DIP2A: variants seen among roughly 807,000 people sequenced by gnomAD.
DIP2A encodes disco-interacting protein 2 homolog A.
A neutral mutation model predicts 177.4 loss-of-function variants in DIP2A; 85 were observed. That is an observed-to-expected ratio of 0.48 (90% CI 0.40 to 0.57). The LOEUF is 0.57. DIP2A is among the 20% of genes least tolerant of loss of function. The pLI is 0.00. For missense variants in DIP2A, 1,791 were observed against 2,100.2 expected (o/e 0.85, Z 2.88); for synonymous variants, 886 against 881.8 (o/e 1.00, Z -0.08).
chr21:46,545,054 G>A (rs1437204698), intron 18 of DIP2A, 83 bp from the exon 19 acceptor site: 3 of 1,383,826 alleles, frequency 2.2e-6, no homozygotes, highest in African/African-American at 1.4e-5. Context: ...TTCCATAACC[G>A]CACATACAGC....
rs1337449585 is a variant in DIP2A, at chr21:46,533,505, G to T, written c.1306-19G>T. ...TGCTGTGAGCACCCCACCCCACACG[G>T]TCACTCTGCTTTCTGCAGGATGCAG... On this transcript the variant is annotated intron_variant, in intron 10 of 37. Coordinates refer to ENST00000417564, the MANE Select transcript of DIP2A (RefSeq NM_015151.4). The T allele has an allele frequency of 1.2e-6, 2 of 1,610,342 alleles. No individual in the cohort carries two copies. Among genetic ancestry groups the T allele is most frequent in the Middle Eastern group, 1.7e-4 (1 of 5,808 alleles).
chr21:46,536,334 G>T (rs2059568377), intron 13 of DIP2A, among the ~76,000 whole-genome samples: 1 of 152,350 alleles, frequency 6.6e-6, no homozygotes, highest in African/African-American at 2.4e-5. Context: ...TGAGCAGAGA[G>T]CTGTGCTGGG....
chr21:46,535,065 C>A (rs2059508294), intron 13 of DIP2A, among the ~76,000 whole-genome samples: 1 of 152,174 alleles, frequency 6.6e-6, no homozygotes, highest in Non-Finnish European at 1.5e-5. Context: ...TACTGAGGGT[C>A]AGGGCATTTT....
the DIP2A span, among the ~76,000 whole-genome samples, chr21:46,580,272 G>T: frequency 1.3e-5 from 2 of 151,996 alleles, no homozygotes; most frequent in African/African-American, 4.8e-5. Context: ...TGCAACCCTT[G>T]TTTTTTTCTG....
At chr21:46,478,748 GT>G (rs556732552) in intron 1 of DIP2A, among the ~76,000 whole-genome samples, 110 of 146,172 alleles carry the variant, frequency 7.5e-4, no homozygotes, top group East Asian at 4.2e-3. Context: ...TAGAATTTAT[GT>G]TTTTTTTTTT....
chr21:46,511,727 G>A, intron 8 of DIP2A, 113 bp downstream of exon 8: 1 of 1,171,614 alleles, frequency 8.5e-7, no homozygotes, highest in Non-Finnish European at 1.2e-6. Context: ...AGCACAGCTG[G>A]CAGATAAATA....
intron 21 of DIP2A, among the ~76,000 whole-genome samples, chr21:46,549,493 A>C (rs1268180570): frequency 6.6e-6 from 1 of 152,234 alleles, no homozygotes; most frequent in Non-Finnish European, 1.5e-5. Flanking sequence ...GGAAATTTAC[A>C]TCAGATTAAG....
intron 25 of DIP2A, among the ~76,000 whole-genome samples, 198 bp downstream of exon 25, chr21:46,552,102 G>A (rs1411398728): frequency 2.0e-5 from 3 of 152,110 alleles, no homozygotes; most frequent in Admixed American, 6.5e-5. Flanking sequence ...TGTCTGGTGC[G>A]GTTCTCGCTG....
intron 1 of DIP2A, among the ~76,000 whole-genome samples, chr21:46,473,033 T>G (rs1264206757): frequency 6.6e-6 from 1 of 152,252 alleles, no homozygotes; most frequent in Non-Finnish European, 1.5e-5. Context: ...AATTTAACCA[T>G]GCATGGCTAA....
intron 5 of DIP2A, among the ~76,000 whole-genome samples, chr21:46,502,739 T>C (rs1004368610): frequency 2.0e-5 from 3 of 152,076 alleles, no homozygotes; most frequent in Non-Finnish European, 4.4e-5. Context: ...TGAGCTACCA[T>C]GTTGGCCCCT....
Position 46,529,126 on chromosome 21 carries a change from T to C in DIP2A, c.1137T>C (p.Tyr379=), listed in dbSNP as rs542986171. 6.5e-7 allele frequency: 1 copy of C among 1,532,890 alleles called. No individual in the cohort carries two copies. Among genetic ancestry groups the C allele is most frequent in the South Asian group, 1.3e-5 (1 of 78,872 alleles). 95.0% of individuals were successfully genotyped at this position (1,532,890 alleles called of 1,614,324 possible). The change falls in exon 9 of 38, where the codon TAT becomes TAC. Residue 379 remains tyrosine, a synonymous_variant. Transcript: ENST00000417564. The stretch of plus-strand genomic sequence containing the variant: ...GGAGTCGGAGTTTAAAACTAGCTTA[T>C]ACTCTACTTAATAAACTGACAAGTA... The part of the protein sequence containing the change: ...KLWSRSLKLA[Y]TLLNKLTSKN...
intron 8 of DIP2A, among the ~76,000 whole-genome samples, chr21:46,522,046 GCATTTA>G (rs1375107766): frequency 2.6e-5 from 4 of 152,192 alleles, no homozygotes; most frequent in Non-Finnish European, 5.9e-5. Context: ...TGACCGTAAA[GCATTTA>G]GCAAACCTAA....
At chr21:46,566,727 C>A in intron 37 of DIP2A, 44 bp downstream of exon 37, 2 of 1,611,658 alleles carry the variant, frequency 1.2e-6, no homozygotes, top group Non-Finnish European at 8.5e-7. Flanking sequence ...TCCCTCCAGC[C>A]CTTCCTCTGG....
chr21:46,548,596 AC>A (rs1472595419), intron 21 of DIP2A, among the ~76,000 whole-genome samples: 1 of 152,280 alleles, frequency 6.6e-6, no homozygotes, highest in Non-Finnish European at 1.5e-5. Flanking sequence ...TAAAATGGAT[AC>A]AGCTAGAGAA....
At position 46,563,332 on chromosome 21, in the gene DIP2A, A is replaced by G. The variant is rs550445130; in HGVS notation, c.4090-526A>G. 1.3e-3 allele frequency among the ~76,000 whole-genome samples: 200 copies of G among 152,326 alleles called. 1 individual carries two copies. The highest frequency in any genetic ancestry group is 2.1e-3 in the Non-Finnish European group (142 of 68,024). On this transcript the variant is annotated intron_variant, in intron 34 of 37. Coordinates refer to ENST00000417564, the MANE Select transcript of DIP2A (RefSeq NM_015151.4). The surrounding 1 kb of genome is among the most constrained non-coding windows in gnomAD (Gnocchi z 4.3). The stretch of plus-strand genomic sequence containing the variant: ...CAGTCAGGTGGTCTGACCTGAGCCC[A>G]GTGAGGGAACACTGGGACCGGGCCT...
intron 1 of DIP2A, among the ~76,000 whole-genome samples, chr21:46,465,983 A>G (rs939064792): frequency 1.1e-4 from 17 of 152,300 alleles, no homozygotes. Flanking sequence ...TGGAAAATAA[A>G]TGAGAGGAAA....
intron 17 of DIP2A, 110 bp downstream of exon 17, chr21:46,540,101 C>A: frequency 1.1e-6 from 1 of 902,846 alleles, no homozygotes; most frequent in Non-Finnish European, 1.7e-6. Context: ...CCCATTTGTG[C>A]AGTAGTACCT....
intron 8 of DIP2A, among the ~76,000 whole-genome samples, chr21:46,523,886 G>T (rs1234553558): frequency 6.6e-6 from 1 of 152,224 alleles, no homozygotes; most frequent in African/African-American, 2.4e-5. Flanking sequence ...AGGAGCAGTT[G>T]CCCTGAGTAA....
At chr21:46,489,704 G>A (rs184564039) in intron 2 of DIP2A, among the ~76,000 whole-genome samples, 18 of 152,310 alleles carry the variant, frequency 1.2e-4, no homozygotes, top group Admixed American at 9.1e-4. Flanking sequence ...ATTCCTGCTG[G>A]CCAATTTTAT....
Sources: allele counts gnomAD v4.1 joint callset (sites outside exome capture counted in the v4.1 genomes callset), GRCh38; gene constraint gnomAD v4.1.1; non-coding constraint Gnocchi (gnomAD v3.1); transcripts MANE v1.5; gene names NCBI Gene and HGNC (gene_info 2026-07-23, HGNC 2026-07-21).